Variants in DNMT3B observed in about 807,000 individuals in gnomAD.
The protein encoded by DNMT3B is DNA (cytosine-5)-methyltransferase 3B.
DNMT3B carries 37 observed loss-of-function variants against 120.2 expected under a neutral mutation model. The observed-to-expected ratio is 0.31, with a 90% CI of 0.24 to 0.40. The LOEUF is 0.40. Among genes scored for constraint, DNMT3B ranks in the 10% least tolerant of loss-of-function variants. The pLI is 1.00. For missense variants in DNMT3B, 878 were observed against 1,137.3 expected, an observed-to-expected ratio of 0.77 and a Z score of 3.28; for synonymous variants, 412 against 442.8, an observed-to-expected ratio of 0.93 and a Z score of 0.87.
At chr20:32,807,706 T>C (rs1982119713) in intron 22 of DNMT3B, 56 bp from the exon 23 acceptor site, 1 of 1,610,898 alleles carries the variant, frequency 6.2e-7, no homozygotes, top group Non-Finnish European at 8.5e-7. Flanking sequence ...TGGTTGAGGC[T>C]GTCAACATCC....
chr20:32,780,531 C>A, intron 2 of DNMT3B, 66 bp downstream of exon 2: 2 of 1,587,752 alleles, frequency 1.3e-6, no homozygotes, highest in Admixed American at 1.7e-5. Context: ...CTGCAGACAA[C>A]TGGAGGCTTT....
At chr20:32,785,536 CT>C (rs1979166365) in intron 4 of DNMT3B, among the ~76,000 whole-genome samples, 1 of 152,112 alleles carries the variant, frequency 6.6e-6, no homozygotes, top group African/African-American at 2.4e-5. Flanking sequence ...GCAGTTATTG[CT>C]TATGGTCACC....
At chr20:32,774,508 C>CTTTTTTT (rs386393640) in intron 1 of DNMT3B, among the ~76,000 whole-genome samples, 7 of 98,518 alleles carry the variant, frequency 7.1e-5, no homozygotes, top group Middle Eastern at 7.0e-3. Context: ...CGCGCCTGGC[C>CTTTTTTT]TTTTTTTTTT....
rs758963586 is a variant in DNMT3B, at chr20:32,798,566, C to A, written c.1597C>A (p.His533Asn). The change falls in exon 15 of 23, where the codon CAT (histidine) becomes AAT (asparagine). Residue 533 changes from histidine to asparagine, a missense_variant. By Grantham distance (68) the His-to-Asn change is moderately conservative. This residue lies in a region of DNMT3B where 334 missense variants were observed against 518.8 expected (regional missense o/e 0.64). Transcript: ENST00000328111. ...SCYMCLPQRC[H>N]GVLRRRKDWN... Reference sequence around the variant, plus strand: ...TTACATGTGTCTCCCGCAGCGCTGTCATGGCGTCCTGCGGCGCCGGAAGGA... The same window carrying A: ...TTACATGTGTCTCCCGCAGCGCTGTAATGGCGTCCTGCGGCGCCGGAAGGA... 1.8e-5 allele frequency: 29 copies of A among 1,614,242 alleles called. No homozygotes were observed. Among genetic ancestry groups the A allele is most frequent in the Non-Finnish European group, 2.3e-5 (27 of 1,180,050 alleles).
intron 1 of DNMT3B, among the ~76,000 whole-genome samples, chr20:32,765,132 A>G (rs1451018774): frequency 6.6e-6 from 1 of 152,242 alleles, no homozygotes; most frequent in Non-Finnish European, 1.5e-5. Flanking sequence ...GCTCTTCCTC[A>G]CACACCAGTC....
At chr20:32,806,451 G>T (rs1261923709) in intron 22 of DNMT3B, 124 bp downstream of exon 22, 17 of 900,630 alleles carry the variant, frequency 1.9e-5, no homozygotes, top group Non-Finnish European at 3.1e-5. Flanking sequence ...GGGGCGAGGA[G>T]TAATAATACC....
intron 6 of DNMT3B, among the ~76,000 whole-genome samples, chr20:32,788,292 C>G (rs571943191): frequency 6.6e-6 from 1 of 152,230 alleles, no homozygotes; most frequent in East Asian, 1.9e-4. Context: ...CTTTTTTCTT[C>G]TATTAAGAAC....
intron 7 of DNMT3B, among the ~76,000 whole-genome samples, chr20:32,790,040 A>G (rs941065255): frequency 1.3e-5 from 2 of 152,262 alleles, no homozygotes; most frequent in African/African-American, 4.8e-5. Context: ...GCAGGATTGA[A>G]GGAAGGACTG....
rs763435705 is a variant in DNMT3B, at chr20:32,792,639, G to A, written c.935G>A (p.Arg312Gln). 1.9e-6 allele frequency: 3 copies of A among 1,614,228 alleles called. No individual in the cohort carries two copies. Among genetic ancestry groups the A allele is most frequent in the Non-Finnish European group, 2.5e-6 (3 of 1,180,038 alleles). Residue 312 changes from arginine to glutamine, a missense_variant, in exon 9 of 23, where the codon CGA (arginine) becomes CAA (glutamine). Physicochemically the swap from Arg to Gln is conservative, Grantham distance 43. Around this residue, in one of 4 missense-constraint regions of DNMT3B, gnomAD observed 207 missense variants for 222.6 expected, o/e 0.93. Transcript: ENST00000328111. Reference sequence around the variant, plus strand: ...CTGCCTTTGCAGAAAGCTAGGGTGCGAGCTGGCAAGACCTTCCCCAGCAGC... The same window carrying A: ...CTGCCTTTGCAGAAAGCTAGGGTGCAAGCTGGCAAGACCTTCCCCAGCAGC... ...MYHALEKARV[R>Q]AGKTFPSSPG...
chr20:32,787,138 C>CT, intron 5 of DNMT3B, 92 bp from the exon 6 acceptor site: 1 of 1,469,834 alleles, frequency 6.8e-7, no homozygotes, highest in East Asian at 2.3e-5. Flanking sequence ...TTTCCTCTTT[C>CT]TTTTTGCCTA....
Position 32,784,165 on chromosome 20 carries a change from C to T in DNMT3B, c.205-593C>T, listed in dbSNP as rs1249954707. ...CTCCTGACCTCAGGTGATCCACCCG[C>T]GTCGGCCTCCCAAAGTGTTGGGATT... On this transcript the variant is annotated intron_variant, in intron 3 of 22. Transcript: ENST00000328111. Among the ~76,000 whole-genome samples the T allele has an allele frequency of 5.3e-5, 8 of 152,114 alleles. 1 individual carries two copies. In the East Asian group the frequency reaches 1.2e-3, roughly 22 times the overall value.
At chr20:32,800,972 G>A in intron 18 of DNMT3B, 47 bp downstream of exon 18, 1 of 1,605,610 alleles carries the variant, frequency 6.2e-7, no homozygotes, top group Non-Finnish European at 8.5e-7. Flanking sequence ...TATGTCACCT[G>A]ACCACTGGCC....
intron 3 of DNMT3B, 129 bp downstream of exon 3, chr20:32,781,543 C>A: frequency 1.0e-6 from 1 of 954,106 alleles, no homozygotes; most frequent in Non-Finnish European, 1.7e-6. Context: ...TAGATGCTTT[C>A]TGCATATATT....
chr20:32,763,782 T>G (rs1317381009), intron 1 of DNMT3B, among the ~76,000 whole-genome samples: 1 of 152,196 alleles, frequency 6.6e-6, no homozygotes, highest in Non-Finnish European at 1.5e-5. Context: ...CCTCCCCTGG[T>G]CTAGGAGAGA....
chr20:32,781,246 A>AG, intron 2 of DNMT3B, 107 bp from the exon 3 acceptor site: 1 of 1,084,652 alleles, frequency 9.2e-7, no homozygotes, highest in South Asian at 1.3e-5. Context: ...ACAATAGTGT[A>AG]GGGGAGATCC....
At chr20:32,803,113 A>C (rs1447126962) in intron 20 of DNMT3B, among the ~76,000 whole-genome samples, 2 of 152,222 alleles carry the variant, frequency 1.3e-5, no homozygotes, top group Non-Finnish European at 2.9e-5. Flanking sequence ...TATGTCCCTC[A>C]GATTCTCATC....
At chr20:32,773,200 G>A (rs1029150252) in intron 1 of DNMT3B, among the ~76,000 whole-genome samples, 1 of 151,208 alleles carries the variant, frequency 6.6e-6, no homozygotes, top group Admixed American at 6.6e-5. Context: ...TCCACCTCCC[G>A]GGTTCAAGCG....
At position 32,805,393 on chromosome 20, in the gene DNMT3B, A is replaced by G; in HGVS notation, c.2287A>G (p.Asn763Asp). Residue 763 changes from asparagine to aspartate, a missense_variant, in exon 21 of 23, where the codon AAT (asparagine) becomes GAT (aspartate). Around this residue, in one of 4 missense-constraint regions of DNMT3B, gnomAD observed 334 missense variants for 518.8 expected, o/e 0.64. Transcript: ENST00000328111. ...KLELQDCLEY[N>D]RIAKLKKVQT... ...CGAGCTGCAGGACTGCTTGGAATAC[A>G]ATAGGATAGCCAAGGTAAGACGAGC... The G allele has an allele frequency of 2.5e-6, 4 of 1,614,098 alleles. No individual in the cohort carries two copies. The highest frequency in any genetic ancestry group is 3.4e-6 in the Non-Finnish European group (4 of 1,180,006).
At position 32,776,232 on chromosome 20, in the gene DNMT3B, G is replaced by GA. The variant is rs35285794; in HGVS notation, c.-6-4071dup. 6.9e-3 allele frequency among the ~76,000 whole-genome samples: 978 copies of GA among 142,114 alleles called. 3 individuals carry two copies. The highest frequency in any genetic ancestry group is 0.011 in the Non-Finnish European group (717 of 63,926). The allele number at this position is 142,114 out of a possible 152,430, so 93.2% of individuals were successfully genotyped here. A position where few individuals can be genotyped will look rare whatever the true frequency, so the allele number is the denominator to read the frequency against. On this transcript the variant is annotated intron_variant, in intron 1 of 22. Transcript: ENST00000328111. Reference sequence around the variant, plus strand: ...TGACAGAGACTTGATCTTAAAAAAAGAAAAAAAAAAAAAAATCCATGGTGG... The same window carrying GA: ...TGACAGAGACTTGATCTTAAAAAAAGAAAAAAAAAAAAAAAATCCATGGTGG...
Sources: gnomAD v4.1 joint callset for allele counts (sites outside exome capture counted in the v4.1 genomes callset) on GRCh38, gnomAD v4.1.1 for gene constraint, gnomAD v4.1.1 regional missense constraint, MANE v1.5 for transcripts, NCBI Gene and HGNC (gene_info 2026-07-23, HGNC 2026-07-21) for gene names.